The following GALNT13 variants were observed in gnomAD, a reference collection of about 807,000 sequenced individuals.
GALNT13 encodes polypeptide N-acetylgalactosaminyltransferase 13, also known as UDP-GalNAc:polypeptide N-acetylgalactosaminyltransferase 13.
GALNT13 carries 28 observed loss-of-function variants against 64.2 expected under a neutral mutation model. The ratio of observed to expected loss-of-function variants is 0.44; its 90% CI spans 0.32 to 0.60. GALNT13 has a LOEUF of 0.60. Among genes scored for constraint, GALNT13 ranks in the 20% least tolerant of loss-of-function variants. GALNT13 has a pLI of 0.05. For missense variants in GALNT13, 577 were observed against 669.8 expected (o/e 0.86, Z 1.53); for synonymous variants, 214 against 224.6 (o/e 0.95, Z 0.42).
intron 3 of GALNT13, among the ~76,000 whole-genome samples, chr2:154,118,704 C>CT (rs1044435878): frequency 4.0e-4 from 61 of 151,764 alleles, no homozygotes; most frequent in African/African-American, 1.4e-3. Context: ...ATTCATTCTA[C>CT]TTTTTTTGTT....
At chr2:153,447,162 A>G in the GALNT13 span, among the ~76,000 whole-genome samples, 2 of 152,198 alleles carry the variant, frequency 1.3e-5, no homozygotes, top group Non-Finnish European at 2.9e-5. Flanking sequence ...ATAAAATGGC[A>G]TACATCTCTA....
chr2:154,439,207 A>C (rs145086394), intron 12 of GALNT13, among the ~76,000 whole-genome samples: 1 of 152,304 alleles, frequency 6.6e-6, no homozygotes, highest in African/African-American at 2.4e-5. Flanking sequence ...GAATTCAGTA[A>C]ACTAATTAGT....
chr2:153,090,998 C>T, the GALNT13 span, among the ~76,000 whole-genome samples: 1 of 152,102 alleles, frequency 6.6e-6, no homozygotes, highest in Non-Finnish European at 1.5e-5. Context: ...AGGCTGTGAG[C>T]TTCCCTGCTG....
At chr2:153,232,186 TC>T in the GALNT13 span, among the ~76,000 whole-genome samples, 1 of 152,198 alleles carries the variant, frequency 6.6e-6, no homozygotes, top group Non-Finnish European at 1.5e-5. Context: ...AGTAAAATAA[TC>T]CATGGTGAAG....
At chr2:154,005,714 A>ATTT (rs146046415) in intron 3 of GALNT13, among the ~76,000 whole-genome samples, 1 of 150,288 alleles carries the variant, frequency 6.7e-6, no homozygotes, top group East Asian at 1.9e-4. Flanking sequence ...ACTTCGATTT[A>ATTT]TTTTTTTTTT....
intron 9 of GALNT13, among the ~76,000 whole-genome samples, chr2:154,351,061 G>C (rs1696367839): frequency 6.6e-6 from 1 of 152,128 alleles, no homozygotes; most frequent in African/African-American, 2.4e-5. Context: ...TGCAAAGACA[G>C]GAAACTTAGA....
At chr2:154,170,890 T>A (rs1685310807) in intron 4 of GALNT13, among the ~76,000 whole-genome samples, 1 of 152,092 alleles carries the variant, frequency 6.6e-6, no homozygotes, top group South Asian at 2.1e-4. Context: ...AACAAATGAA[T>A]AATACTCTGG....
At chr2:153,939,452 CAT>C (rs1327120917) in intron 2 of GALNT13, among the ~76,000 whole-genome samples, 4 of 152,156 alleles carry the variant, frequency 2.6e-5, no homozygotes, top group African/African-American at 7.2e-5. Flanking sequence ...ATCAGGGAAT[CAT>C]ATGATACCTA....
chr2:153,307,187 A>G, the GALNT13 span, among the ~76,000 whole-genome samples: 1 of 152,222 alleles, frequency 6.6e-6, no homozygotes, highest in East Asian at 1.9e-4. Flanking sequence ...TAATCTAATA[A>G]ACCTGGAACA....
chr2:154,435,133 T>A lies in GALNT13; in HGVS notation c.1396-3459T>A, dbSNP rs991394189. Among the ~76,000 whole-genome samples the A allele has an allele frequency of 3.3e-5, 5 of 152,204 alleles. No homozygotes were observed. The South Asian group carries it at 6.2e-4, about 19-fold the overall frequency. On this transcript the variant is annotated intron_variant, in intron 11 of 12. Transcript: ENST00000392825. Reference sequence around the variant, plus strand: ...ATGGAAACATATGCTAAATCTATGGTTCATGTAACACAGTTCTGCTTTACT... The same window carrying A: ...ATGGAAACATATGCTAAATCTATGGATCATGTAACACAGTTCTGCTTTACT...
chr2:154,008,908 G>C (rs1696438651), intron 3 of GALNT13, among the ~76,000 whole-genome samples: 1 of 152,152 alleles, frequency 6.6e-6, no homozygotes, highest in African/African-American at 2.4e-5. Flanking sequence ...GAATATACGA[G>C]TGTATGTGTT....
chr2:153,830,127 A>T, the GALNT13 span, among the ~76,000 whole-genome samples: 4 of 152,116 alleles, frequency 2.6e-5, no homozygotes, highest in Non-Finnish European at 4.4e-5. Flanking sequence ...TACCAGAAAC[A>T]TTATTTTGTA....
the GALNT13 span, among the ~76,000 whole-genome samples, chr2:153,220,109 C>G: frequency 6.6e-6 from 1 of 152,096 alleles, no homozygotes; most frequent in Non-Finnish European, 1.5e-5. Flanking sequence ...ATTAACAAAG[C>G]TTTAAGCCAG....
the GALNT13 span, among the ~76,000 whole-genome samples, chr2:153,397,100 C>G: frequency 1.3e-5 from 2 of 152,130 alleles, no homozygotes; most frequent in Non-Finnish European, 2.9e-5. Flanking sequence ...ATTGCTTCTT[C>G]TATAAGTATA....
intron 9 of GALNT13, among the ~76,000 whole-genome samples, chr2:154,334,075 C>CT (rs35425837): frequency 0.34 from 52,283 of 151,562 alleles, 9,394 homozygotes; most frequent in Middle Eastern, 0.56. Context: ...TCATGGATGA[C>CT]TTTTTTTCTC....
intron 3 of GALNT13, among the ~76,000 whole-genome samples, chr2:154,082,896 G>T (rs1701343709): frequency 6.6e-6 from 1 of 151,992 alleles, no homozygotes; most frequent in Admixed American, 6.6e-5. Flanking sequence ...CTTTTGCTGT[G>T]CAGAAGCTCT....
chr2:153,123,303 T>C, the GALNT13 span, among the ~76,000 whole-genome samples: 5 of 152,258 alleles, frequency 3.3e-5, no homozygotes, highest in East Asian at 9.6e-4. Flanking sequence ...TTTAAACTCC[T>C]AGCCTCCAAA....
the GALNT13 span, among the ~76,000 whole-genome samples, chr2:153,271,289 G>A: frequency 6.6e-6 from 1 of 152,130 alleles, no homozygotes; most frequent in Non-Finnish European, 1.5e-5. Flanking sequence ...ACAAGAGAAG[G>A]AAATAAAGGG....
At chr2:154,437,977 T>TA (rs1410094150) in intron 11 of GALNT13, 2 of 183,526 alleles carry the variant, frequency 1.1e-5, no homozygotes, top group African/African-American at 4.8e-5. Context: ...AAAGAGTCCA[T>TA]AATCCACCGT....
Sources: allele counts gnomAD v4.1 joint callset (sites outside exome capture counted in the v4.1 genomes callset), GRCh38; gene constraint gnomAD v4.1.1; transcripts MANE v1.5; gene names NCBI Gene and HGNC (gene_info 2026-07-23, HGNC 2026-07-21).